The following PRR16 variants were observed in gnomAD, a reference collection of about 807,000 sequenced individuals.
PRR16 encodes the protein protein Largen.
Under a neutral mutation model 18.2 loss-of-function variants are expected in PRR16, and 6 were observed. That is an observed-to-expected ratio of 0.33 (90% CI 0.18 to 0.65). The LOEUF (loss-of-function observed/expected upper bound fraction) is 0.65, where lower values mean the gene tolerates loss of function less well. Among genes scored for constraint, PRR16 ranks in the 30% least tolerant of loss-of-function variants. PRR16 has a pLI of 0.74. For synonymous variants in PRR16, 151 were observed against 147.8 expected, an observed-to-expected ratio of 1.02 and a Z score of -0.16; for missense variants, 412 against 376.6, an observed-to-expected ratio of 1.09 and a Z score of -0.78.
At chr5:120,512,530 G>A (rs2112858813) in intron 1 of PRR16, among the ~76,000 whole-genome samples, 1 of 152,154 alleles carries the variant, frequency 6.6e-6, no homozygotes, top group African/African-American at 2.4e-5. Flanking sequence ...GTTTCTGGCG[G>A]CATAGAAAAA....
At chr5:120,524,743 A>G (rs902564842) in intron 1 of PRR16, among the ~76,000 whole-genome samples, 3 of 152,146 alleles carry the variant, frequency 2.0e-5, no homozygotes, top group African/African-American at 7.2e-5. Context: ...TCCCATTTAC[A>G]CTGATGTGAT....
chr5:120,468,313 C>T (rs1305915038), intron 1 of PRR16, among the ~76,000 whole-genome samples: 3 of 151,904 alleles, frequency 2.0e-5, no homozygotes, highest in Non-Finnish European at 4.4e-5. Context: ...CTGAAGATTT[C>T]CATGAAAGCT....
intron 1 of PRR16, among the ~76,000 whole-genome samples, chr5:120,647,918 A>G (rs1228765734): frequency 6.6e-6 from 1 of 152,132 alleles, no homozygotes; most frequent in Admixed American, 6.6e-5. Flanking sequence ...CAGAGAAATA[A>G]TACAGCAATA....
At chr5:120,577,637 C>T (rs910974284) in intron 1 of PRR16, among the ~76,000 whole-genome samples, 1 of 152,032 alleles carries the variant, frequency 6.6e-6, no homozygotes, top group Non-Finnish European at 1.5e-5. Flanking sequence ...GGGTAGGTAA[C>T]GTTTGGTGTG....
At chr5:120,715,883 G>T in the PRR16 span, among the ~76,000 whole-genome samples, 2 of 152,114 alleles carry the variant, frequency 1.3e-5, no homozygotes, top group African/African-American at 4.8e-5. Flanking sequence ...TCTCTCTATA[G>T]AGTAGCCGTT....
intron 1 of PRR16, among the ~76,000 whole-genome samples, chr5:120,678,800 C>G (rs899980564): frequency 6.6e-6 from 1 of 152,064 alleles, no homozygotes; most frequent in African/African-American, 2.4e-5. Flanking sequence ...TCTAATTGCT[C>G]TAGCTAGGAC....
chr5:120,669,493 A>G (rs187672104), intron 1 of PRR16, among the ~76,000 whole-genome samples: 1 of 152,204 alleles, frequency 6.6e-6, no homozygotes, highest in Non-Finnish European at 1.5e-5. Flanking sequence ...TAGAATAGGT[A>G]GATATTACAA....
rs11241553 is a variant in PRR16 at position 120,582,224 on chromosome 5, G to T, written c.160-103730G>T. On this transcript the variant is annotated intron_variant, in intron 1 of 1. Coordinates refer to ENST00000407149, the MANE Select transcript of PRR16 (RefSeq NM_001300783.2). ...AGAAACAGAAAATGAAATACTGCAT[G>T]TTCTTACTTATAAGTGGGAGCTAAA... Among the ~76,000 whole-genome samples the T allele has an allele frequency of 3.4e-3, 517 of 152,234 alleles. 7 individuals carry two copies. The highest frequency in any genetic ancestry group is 0.012 in the African/African-American group (493 of 41,548).
chr5:120,569,694 C>T (rs1030711151), intron 1 of PRR16, among the ~76,000 whole-genome samples: 28 of 152,070 alleles, frequency 1.8e-4, no homozygotes, highest in Admixed American at 1.3e-4. Flanking sequence ...TGTCATGTTC[C>T]GGAGTGATCA....
the PRR16 span, among the ~76,000 whole-genome samples, chr5:120,723,683 A>G: frequency 6.6e-6 from 1 of 151,960 alleles, no homozygotes; most frequent in Non-Finnish European, 1.5e-5. Context: ...CATTTATTGC[A>G]ATTACTCCAG....
At chr5:120,647,456 C>T (rs994295864) in intron 1 of PRR16, among the ~76,000 whole-genome samples, 9 of 151,764 alleles carry the variant, frequency 5.9e-5, no homozygotes, top group Admixed American at 2.0e-4. Context: ...CAGTCTCTAC[C>T]AAGAAATTAT....
At chr5:120,775,588 T>C in the PRR16 span, among the ~76,000 whole-genome samples, 1 of 138,796 alleles carries the variant, frequency 7.2e-6, no homozygotes, top group Non-Finnish European at 1.6e-5. Context: ...TGGATAGACA[T>C]CTTTCTAAAC....
chr5:120,518,578 T>A (rs1751072888), intron 1 of PRR16, among the ~76,000 whole-genome samples: 1 of 149,228 alleles, frequency 6.7e-6, no homozygotes, highest in African/African-American at 2.5e-5. Context: ...TTTTTTTTTT[T>A]AATAGAGGCT....
At chr5:120,701,537 G>A in the PRR16 span, among the ~76,000 whole-genome samples, 8 of 152,158 alleles carry the variant, frequency 5.3e-5, no homozygotes, top group South Asian at 2.1e-4. Flanking sequence ...GTCACGGAAC[G>A]AAACTGAAAG....
At chr5:120,506,062 C>A (rs1054324317) in intron 1 of PRR16, among the ~76,000 whole-genome samples, 1 of 151,252 alleles carries the variant, frequency 6.6e-6, no homozygotes, top group African/African-American at 2.4e-5. Flanking sequence ...ACCAATGAAA[C>A]TTTTCTTGCC....
intron 1 of PRR16, among the ~76,000 whole-genome samples, chr5:120,525,954 A>G (rs1347488652): frequency 6.6e-6 from 1 of 152,192 alleles, no homozygotes; most frequent in African/African-American, 2.4e-5. Context: ...GTGTTTCCCC[A>G]TGCAATAACA....
the PRR16 span, among the ~76,000 whole-genome samples, chr5:120,784,869 C>G: frequency 6.6e-6 from 1 of 152,130 alleles, no homozygotes; most frequent in African/African-American, 2.4e-5. Flanking sequence ...CTCATTATGA[C>G]CAGGACAGGA....
chr5:120,789,463 A>G, the PRR16 span, among the ~76,000 whole-genome samples: 2 of 152,140 alleles, frequency 1.3e-5, no homozygotes, highest in Non-Finnish European at 2.9e-5. Flanking sequence ...TCTCTGCTAT[A>G]TCAAGGAAAA....
the PRR16 span, among the ~76,000 whole-genome samples, chr5:120,775,648 T>A: frequency 3.3e-5 from 5 of 150,322 alleles, no homozygotes; most frequent in East Asian, 5.8e-4. Context: ...TTTTTTTTTT[T>A]AGATGGAGTT....
Sources: gnomAD v4.1 joint callset for allele counts (sites outside exome capture counted in the v4.1 genomes callset) on GRCh38, gnomAD v4.1.1 for gene constraint, MANE v1.5 for transcripts, NCBI Gene and HGNC (gene_info 2026-07-23, HGNC 2026-07-21) for gene names.